The following CACNA1I variants were observed in gnomAD, a reference collection of about 807,000 sequenced individuals.
The protein encoded by CACNA1I is voltage-dependent T-type calcium channel subunit alpha-1I.
A neutral mutation model predicts 201.6 loss-of-function variants in CACNA1I; 74 were observed. The ratio of observed to expected loss-of-function variants is 0.37; its 90% CI spans 0.30 to 0.45. CACNA1I has a LOEUF of 0.45. Among genes scored for constraint, CACNA1I ranks in the 20% least tolerant of loss-of-function variants. The pLI is 1.00. For synonymous variants in CACNA1I, 1,431 were observed against 1,345.2 expected (o/e 1.06, Z -1.40); for missense variants, 2,346 against 3,138.1 (o/e 0.75, Z 6.03).
Position 39,684,438 on chromosome 22 carries a change from G to A in CACNA1I, c.5967G>A (p.Ala1989=), listed in dbSNP as rs767958526. Residue 1989 remains alanine (A), a synonymous_variant, in exon 36 of 37, where the codon GCG becomes GCA. Transcript: ENST00000402142. The surrounding 1 kb of genome is among the most constrained non-coding windows in gnomAD (Gnocchi z 4.6). ...GTGTGTLPKI[A]LQGSWASLRS... ...GCACTGGAACCCTCCCCAAGATTGCGCTGCAGGGCTCCTGGGCATCTCTGC... is the reference window on the plus strand; with the variant it reads ...GCACTGGAACCCTCCCCAAGATTGCACTGCAGGGCTCCTGGGCATCTCTGC... The A allele has an allele frequency of 1.2e-5, 19 of 1,613,414 alleles. No homozygotes were observed. The highest frequency in any genetic ancestry group is 1.7e-5 in the Admixed American group (1 of 59,998).
intron 3 of CACNA1I, among the ~76,000 whole-genome samples, chr22:39,614,283 C>T (rs551388372): frequency 3.9e-5 from 6 of 152,246 alleles, no homozygotes; most frequent in South Asian, 4.1e-4. Flanking sequence ...CTAAACCAAC[C>T]GGGACCCTGA....
chr22:39,659,062 T>G lies in CACNA1I; in HGVS notation c.2276T>G (p.Met759Arg). The G allele has an allele frequency of 6.2e-7, 1 of 1,613,586 alleles. No homozygotes were observed. Among genetic ancestry groups the G allele is most frequent in the African/African-American group, 1.3e-5 (1 of 75,048 alleles). ...CAGCTCGTGGTGCTCATGAAGACCA[T>G]GGACAACGTGGCCACCTTCTGCATG... is the stretch of plus-strand genomic sequence containing the variant. ...RRQLVVLMKT[M>R]DNVATFCMLL... is the part of the protein sequence containing the mutation. Residue 759 changes from methionine (M) to arginine (R), a missense_variant, in exon 12 of 37, where the codon ATG (methionine) becomes AGG (arginine). By Grantham distance (91) the Met-to-Arg change is moderately conservative. Coordinates refer to ENST00000402142, the MANE Select transcript of CACNA1I (RefSeq NM_021096.4). This position sits in a 1 kb window ranked among gnomAD's most constrained non-coding sequence, Gnocchi z 4.3.
At position 39,672,328 on chromosome 22, in the gene CACNA1I, T is replaced by C; in HGVS notation, c.4649+20T>C. The C allele has an allele frequency of 6.6e-7, 1 of 1,509,372 alleles. No individual in the cohort carries two copies. Among genetic ancestry groups the C allele is most frequent in the Non-Finnish European group, 9.2e-7 (1 of 1,085,378 alleles). The allele number at this position is 1,509,372 out of a possible 1,614,324, so 93.5% of individuals were successfully genotyped here. On this transcript the variant is annotated intron_variant, in intron 27 of 36. Transcript: ENST00000402142. ...GGACCGGTGAGTGGCCAGGCTGGAT[T>C]AGGGCAGTAATAGGGTAGACTGCAG... is the stretch of plus-strand genomic sequence containing the variant.
chr22:39,655,384 C>T (rs973737196), intron 10 of CACNA1I, among the ~76,000 whole-genome samples: 2 of 152,196 alleles, frequency 1.3e-5, no homozygotes, highest in African/African-American at 4.8e-5. Context: ...CTGCTGCCCC[C>T]TACCTCCTGC....
chr22:39,680,056 T>G (rs1385637604), intron 33 of CACNA1I, among the ~76,000 whole-genome samples, 188 bp downstream of exon 33: 1 of 152,160 alleles, frequency 6.6e-6, no homozygotes, highest in Non-Finnish European at 1.5e-5. Flanking sequence ...GCCTGTGGTG[T>G]GGTGGCCACA....
chr22:39,664,103 C>A lies in CACNA1I; in HGVS notation c.3610C>A (p.Leu1204Ile). ...CCGATGCTTTCAGGAACGCATCTTT[C>A]TCACCGTGTCCAACTACATCTTCAC... Reference protein sequence around the residue: ...IEAGSTERIFLTVSNYIFTAI... With the variant: ...IEAGSTERIFITVSNYIFTAI... The change falls in exon 20 of 37, where the codon CTC (leucine) becomes ATC (isoleucine). Residue 1204 changes from leucine to isoleucine, a missense_variant. Leu to Ile is a conservative substitution (Grantham distance 5). This residue lies in a region of CACNA1I where 158 missense variants were observed against 231.6 expected (regional missense o/e 0.68). Coordinates refer to ENST00000402142, the MANE Select transcript of CACNA1I (RefSeq NM_021096.4). 6.2e-7 allele frequency: 1 copy of A among 1,613,766 alleles called. No homozygotes were observed. The highest frequency in any genetic ancestry group is 1.1e-5 in the South Asian group (1 of 91,042).
At chr22:39,681,265 C>T (rs1028034268) in intron 34 of CACNA1I, among the ~76,000 whole-genome samples, 2 of 152,244 alleles carry the variant, frequency 1.3e-5, no homozygotes, top group Non-Finnish European at 2.9e-5. Context: ...CCAGCCAGCA[C>T]TCCAACCCGG....
chr22:39,626,224 G>A (rs553268405), intron 4 of CACNA1I, among the ~76,000 whole-genome samples: 1 of 152,356 alleles, frequency 6.6e-6, no homozygotes, highest in South Asian at 2.1e-4. Context: ...TATTTCCCCA[G>A]CTCTCAAGAG....
chr22:39,670,017 C>A (rs758930719), intron 24 of CACNA1I, 21 bp from the exon 25 acceptor site: 5 of 1,611,990 alleles, frequency 3.1e-6, no homozygotes, highest in Non-Finnish European at 3.4e-6. Context: ...GCCTCCTCAG[C>A]CCTTTCTGAC....
At chr22:39,673,227 G>C (rs1322719906) in intron 28 of CACNA1I, 145 bp downstream of exon 28, 1 of 884,934 alleles carries the variant, frequency 1.1e-6, no homozygotes, top group African/African-American at 1.7e-5. Context: ...GCTGAACAGG[G>C]GTGAGAAGGA....
intron 4 of CACNA1I, among the ~76,000 whole-genome samples, chr22:39,627,138 G>T (rs1933920840): frequency 6.6e-6 from 1 of 152,142 alleles, no homozygotes; most frequent in Admixed American, 6.5e-5. Flanking sequence ...CCCGTCCCCA[G>T]TGTCTGCAGG....
rs552417129 is a variant in CACNA1I, at chr22:39,577,029, G to A, written c.236+6041G>A. ...TGCAGTGGTGCGATCTCGGCTCACT[G>A]CAACCTTCGCCTCCCAGTTTCAAGT... On this transcript the variant is annotated intron_variant, in intron 1 of 36. Transcript: ENST00000402142. Among the ~76,000 whole-genome samples the A allele has an allele frequency of 1.9e-4, 29 of 152,108 alleles. No homozygotes were observed. The South Asian group carries it at 6.0e-3, about 32-fold the overall frequency.
Position 39,629,594 on chromosome 22 carries a change from C to T in CACNA1I, c.581-4971C>T, listed in dbSNP as rs5995762. On this transcript the variant is annotated intron_variant, in intron 4 of 36. Transcript: ENST00000402142. This position sits in a 1 kb window ranked among gnomAD's most constrained non-coding sequence, Gnocchi z 4.8. The stretch of plus-strand genomic sequence containing the variant: ...GGGACGGAAGGCCCAATCATCAGGC[C>T]GTGAGGGTGGTGGAGAGGGCCCAGT... 2.0e-4 allele frequency among the ~76,000 whole-genome samples: 31 copies of T among 152,202 alleles called. 1 individual carries two copies. Among genetic ancestry groups the T allele is most frequent in the African/African-American group, 7.0e-4 (29 of 41,532 alleles).
intron 1 of CACNA1I, among the ~76,000 whole-genome samples, chr22:39,577,200 A>G (rs1276135765): frequency 1.3e-5 from 2 of 152,072 alleles, no homozygotes; most frequent in Non-Finnish European, 2.9e-5. Flanking sequence ...ATGCCGGGCT[A>G]ATTTTTGAAT....
Position 39,586,719 on chromosome 22 carries a change from C to G in CACNA1I, c.237-11432C>G, listed in dbSNP as rs5995753. On this transcript the variant is annotated intron_variant, in intron 1 of 36. Coordinates refer to ENST00000402142, the MANE Select transcript of CACNA1I (RefSeq NM_021096.4). ...TTGGGAATGCACACATGAACACAGA[C>G]GTGTGTTCAGGGGCAGGCAGGGGAG... Among the ~76,000 whole-genome samples the G allele has an allele frequency of 3.4e-4, 51 of 152,198 alleles. 1 individual carries two copies. Among genetic ancestry groups the G allele is most frequent in the African/African-American group, 1.2e-3 (50 of 41,492 alleles).
chr22:39,646,960 C>T (rs1009701494), intron 8 of CACNA1I, 79 bp downstream of exon 8: 11 of 1,437,540 alleles, frequency 7.7e-6, no homozygotes, highest in Non-Finnish European at 9.1e-6. Context: ...CCAGCAGGCC[C>T]AGCAGCCTCC....
chr22:39,645,444 C>T lies in CACNA1I; in HGVS notation c.1150-1125C>T, dbSNP rs1048768823. On this transcript the variant is annotated intron_variant, in intron 7 of 36. Transcript: ENST00000402142. Reference sequence around the variant, plus strand: ...TAGGAGCCTGACAAGCGTGTGGTCCCAGAGGGCAGGGCCCAGCTGTCTCTT... The same window carrying T: ...TAGGAGCCTGACAAGCGTGTGGTCCTAGAGGGCAGGGCCCAGCTGTCTCTT... Among the ~76,000 whole-genome samples, 5 of 152,210 alleles carry T rather than the reference C, an allele frequency of 3.3e-5. No homozygotes were observed. The East Asian group carries it at 7.7e-4, about 23-fold the overall frequency.
intron 31 of CACNA1I, 118 bp downstream of exon 31, chr22:39,678,226 C>A: frequency 8.1e-7 from 1 of 1,230,900 alleles, no homozygotes; most frequent in Non-Finnish European, 1.1e-6. Context: ...GAGGGGCATG[C>A]AGGGCACGGA....
intron 4 of CACNA1I, among the ~76,000 whole-genome samples, chr22:39,621,690 C>T (rs1018703793): frequency 2.6e-5 from 4 of 151,978 alleles, no homozygotes; most frequent in Admixed American, 6.6e-5. Context: ...GCTGGGGGTC[C>T]TCAGTGCTAC....
Sources: allele counts gnomAD v4.1 joint callset (sites outside exome capture counted in the v4.1 genomes callset), GRCh38; gene constraint gnomAD v4.1.1; regional missense constraint gnomAD v4.1.1; non-coding constraint Gnocchi (gnomAD v3.1); transcripts MANE v1.5; gene names NCBI Gene and HGNC (gene_info 2026-07-23, HGNC 2026-07-21).